Variants in CAST observed in about 807,000 individuals in gnomAD.
CAST encodes MIR583 host.
A neutral mutation model predicts 119.6 loss-of-function variants in CAST; 76 were observed. The observed-to-expected ratio is 0.64, with a 90% CI of 0.53 to 0.77. The LOEUF (loss-of-function observed/expected upper bound fraction) is 0.77, where lower values mean the gene tolerates loss of function less well. Ranked by LOEUF, CAST falls within the 30% of genes least tolerant of loss-of-function variation. CAST has a pLI of 0.00. For missense variants in CAST, 953 were observed against 946.5 expected, an observed-to-expected ratio of 1.01 and a Z score of -0.09; for synonymous variants, 319 against 331.6, an observed-to-expected ratio of 0.96 and a Z score of 0.41.
At chr5:96,132,799 G>A in the CAST span, among the ~76,000 whole-genome samples, 2 of 152,120 alleles carry the variant, frequency 1.3e-5, no homozygotes, top group African/African-American at 2.4e-5. Context: ...GCAAATTGAA[G>A]GAAAATATGT....
intron 3 of CAST, among the ~76,000 whole-genome samples, chr5:96,705,970 A>G (rs938851620): frequency 3.9e-5 from 6 of 152,230 alleles, no homozygotes; most frequent in East Asian, 3.8e-4. Flanking sequence ...GCATTTTGCT[A>G]CAGTGATTTC....
intron 3 of CAST, among the ~76,000 whole-genome samples, chr5:96,719,544 G>T (rs1361636501): frequency 6.6e-6 from 1 of 152,150 alleles, no homozygotes; most frequent in Non-Finnish European, 1.5e-5. Context: ...TCTGCTTCTT[G>T]TTACTCTGAC....
At chr5:96,559,721 A>G (rs954169494) in intron 1 of CAST, among the ~76,000 whole-genome samples, 1 of 152,226 alleles carries the variant, frequency 6.6e-6, no homozygotes, top group Non-Finnish European at 1.5e-5. Context: ...AAGCAAATGG[A>G]AGAACATTCC....
the CAST span, among the ~76,000 whole-genome samples, chr5:96,436,099 T>C: frequency 6.6e-6 from 1 of 152,250 alleles, no homozygotes; most frequent in South Asian, 2.1e-4. Flanking sequence ...TTTCCAGTTA[T>C]CATGTAGACT....
At chr5:96,057,791 G>C in the CAST span, among the ~76,000 whole-genome samples, 1 of 152,122 alleles carries the variant, frequency 6.6e-6, no homozygotes, top group Admixed American at 6.6e-5. Flanking sequence ...TGCATGAAAT[G>C]TTGTCACATC....
the CAST span, among the ~76,000 whole-genome samples, chr5:96,350,290 T>C: frequency 6.6e-6 from 1 of 152,130 alleles, no homozygotes; most frequent in African/African-American, 2.4e-5. Context: ...GATCAGCCTT[T>C]CACCAAATAC....
At chr5:96,020,615 G>T in the CAST span, among the ~76,000 whole-genome samples, 33 of 152,272 alleles carry the variant, frequency 2.2e-4, no homozygotes, top group South Asian at 2.1e-3. Context: ...CATGCTCTTT[G>T]CGAGAATCTA....
the CAST span, among the ~76,000 whole-genome samples, chr5:96,386,977 AAAAAC>A: frequency 2.3e-3 from 344 of 152,328 alleles, no homozygotes; most frequent in African/African-American, 7.9e-3. Flanking sequence ...AAACAAAAAC[AAAAAC>A]AAAACAAAAC....
Position 96,653,412 on chromosome 5 carries a change from A to G in CAST, c.61-22127A>G, listed in dbSNP as rs990755376. 3.9e-5 allele frequency among the ~76,000 whole-genome samples: 6 copies of G among 152,260 alleles called. No individual in the cohort carries two copies. In the East Asian group the frequency reaches 1.2e-3, roughly 29 times the overall value. On this transcript the variant is annotated intron_variant, in intron 1 of 11. Transcript: ENST00000505143. ...AAGAGAACAATTGAGTTGTTGCTCCAGAAAGGGCAACAATTTGGAGAGGAA... is the reference window on the plus strand; with the variant it reads ...AAGAGAACAATTGAGTTGTTGCTCCGGAAAGGGCAACAATTTGGAGAGGAA...
At chr5:96,095,038 ACTT>A in the CAST span, among the ~76,000 whole-genome samples, 344 of 152,280 alleles carry the variant, frequency 2.3e-3, 1 homozygote, top group African/African-American at 7.8e-3. Context: ...TGGAATGGTA[ACTT>A]CTTCTTGCTT....
At chr5:96,472,348 C>T in the CAST span, among the ~76,000 whole-genome samples, 2 of 152,302 alleles carry the variant, frequency 1.3e-5, no homozygotes, top group South Asian at 2.1e-4. Context: ...TATAATCCAT[C>T]ACACCATTCT....
the CAST span, among the ~76,000 whole-genome samples, chr5:96,262,921 CT>C: frequency 2.0e-5 from 3 of 152,150 alleles, no homozygotes. Flanking sequence ...CCAACTCTTC[CT>C]CCTTTATGCC....
chr5:96,309,792 A>G, the CAST span, among the ~76,000 whole-genome samples: 16 of 152,240 alleles, frequency 1.1e-4, no homozygotes, highest in Non-Finnish European at 2.2e-4. Context: ...CCCACTGTCC[A>G]ACCAGTCCCA....
In CAST at chr5:96,747,327, T is replaced by C; in HGVS notation, c.1285-18T>C. 8 of 1,552,218 alleles carry C rather than the reference T, an allele frequency of 5.2e-6. No homozygotes were observed. Among genetic ancestry groups the C allele is most frequent in the Non-Finnish European group, 7.1e-6 (8 of 1,128,220 alleles). ...AATTTTCTATTTCATTTCCAATGAATTTTAATTTCATTTACAGGATAAAGA... is the reference window on the plus strand; with the variant it reads ...AATTTTCTATTTCATTTCCAATGAACTTTAATTTCATTTACAGGATAAAGA... On this transcript the variant is annotated intron_variant, in intron 17 of 31. Coordinates refer to ENST00000675179, the MANE Select transcript of CAST (RefSeq NM_001750.7).
At chr5:96,163,446 T>A in the CAST span, among the ~76,000 whole-genome samples, 2 of 152,216 alleles carry the variant, frequency 1.3e-5, no homozygotes, top group Non-Finnish European at 2.9e-5. Flanking sequence ...TTCTTGGTAT[T>A]GCAGTTAATA....
chr5:96,628,778 G>A (rs1454640817), intron 1 of CAST, among the ~76,000 whole-genome samples: 1 of 152,156 alleles, frequency 6.6e-6, no homozygotes, highest in East Asian at 1.9e-4. Flanking sequence ...TAGGAAGCAA[G>A]TATGGATGTT....
At chr5:96,423,996 G>A in the CAST span, among the ~76,000 whole-genome samples, 1 of 152,196 alleles carries the variant, frequency 6.6e-6, no homozygotes, top group African/African-American at 2.4e-5. Flanking sequence ...TTAAGTATGA[G>A]TGATTTAGGG....
intron 1 of CAST, among the ~76,000 whole-genome samples, chr5:96,634,660 G>A (rs1199748948): frequency 3.3e-5 from 5 of 152,166 alleles, no homozygotes; most frequent in Non-Finnish European, 7.3e-5. Flanking sequence ...TGTTGCCTCT[G>A]CAATGAGATA....
intron 1 of CAST, among the ~76,000 whole-genome samples, chr5:96,620,089 C>T (rs896105613): frequency 7.2e-5 from 11 of 152,208 alleles, no homozygotes; most frequent in African/African-American, 2.7e-4. Context: ...GAATGGCAAT[C>T]TATTACTGCT....
Sources: allele counts gnomAD v4.1 joint callset (sites outside exome capture counted in the v4.1 genomes callset), GRCh38; gene constraint gnomAD v4.1.1; transcripts MANE v1.5; gene names NCBI Gene and HGNC (gene_info 2026-07-23, HGNC 2026-07-21).